The following COL24A1 variants were observed in gnomAD, a reference collection of about 807,000 sequenced individuals.
The protein encoded by COL24A1 is collagen type XXIV alpha 1 chain, also known as collagen alpha-1(XXIV) chain.
In COL24A1, 224 loss-of-function variants were observed where a neutral mutation model predicts 253.9. The ratio of observed to expected loss-of-function variants is 0.88; its 90% CI spans 0.79 to 0.99. COL24A1 has a LOEUF of 0.99. Ranked by LOEUF, COL24A1 falls within the 50% of genes least tolerant of loss-of-function variation. The probability of loss-of-function intolerance (pLI) is 0.00; values close to 1 mark genes in which losing one functional copy is unlikely to be tolerated. For missense variants in COL24A1, 2,131 were observed against 2,068.5 expected, an observed-to-expected ratio of 1.03 and a Z score of -0.59; for synonymous variants, 685 against 673.7, an observed-to-expected ratio of 1.02 and a Z score of -0.26.
chr1:85,831,114 C>T (rs1450709531), intron 43 of COL24A1, among the ~76,000 whole-genome samples: 2 of 152,000 alleles, frequency 1.3e-5, no homozygotes, highest in South Asian at 4.1e-4. Context: ...TTCTATATAG[C>T]CCATGACCAC....
At chr1:86,059,093 G>C in intron 9 of COL24A1, 28 bp downstream of exon 9, 1 of 1,536,148 alleles carries the variant, frequency 6.5e-7, no homozygotes, top group Non-Finnish European at 8.9e-7. Flanking sequence ...GGAACACAAA[G>C]AGAAAAGTCT....
At chr1:86,132,534 A>G (rs896406434) in intron 2 of COL24A1, among the ~76,000 whole-genome samples, 10 of 152,224 alleles carry the variant, frequency 6.6e-5, no homozygotes, top group Admixed American at 5.2e-4. Flanking sequence ...TCTTGAATTA[A>G]TTTTTGTATA....
intron 37 of COL24A1, among the ~76,000 whole-genome samples, chr1:85,863,827 G>A (rs1371904732): frequency 6.6e-6 from 1 of 152,160 alleles, no homozygotes; most frequent in African/African-American, 2.4e-5. Context: ...TCAGAGAAAT[G>A]CAAATCAAAA....
At chr1:86,113,518 C>A (rs1309533496) in intron 4 of COL24A1, among the ~76,000 whole-genome samples, 1 of 152,022 alleles carries the variant, frequency 6.6e-6, no homozygotes, top group Non-Finnish European at 1.5e-5. Flanking sequence ...ATGCATCTAG[C>A]AAGATGAAAA....
intron 2 of COL24A1, among the ~76,000 whole-genome samples, chr1:86,133,532 C>G (rs1649666583): frequency 6.6e-6 from 1 of 152,142 alleles, no homozygotes; most frequent in Admixed American, 6.6e-5. Context: ...CCATCAATAC[C>G]TAATTTATTG....
At chr1:86,129,969 C>G (rs1648911233) in intron 2 of COL24A1, among the ~76,000 whole-genome samples, 1 of 151,830 alleles carries the variant, frequency 6.6e-6, no homozygotes, top group Non-Finnish European at 1.5e-5. Context: ...GATAAAGTAT[C>G]TTACCAGTAG....
At chr1:86,073,445 C>T (rs1702012300) in intron 7 of COL24A1, among the ~76,000 whole-genome samples, 2 of 152,166 alleles carry the variant, frequency 1.3e-5, no homozygotes, top group African/African-American at 4.8e-5. Context: ...AAGGAATGAA[C>T]AAAGCCTCCA....
intron 52 of COL24A1, among the ~76,000 whole-genome samples, chr1:85,779,695 T>C (rs1462460377): frequency 6.6e-6 from 1 of 152,184 alleles, no homozygotes; most frequent in Non-Finnish European, 1.5e-5. Flanking sequence ...TTCCTATATA[T>C]ACTTAAGATC....
chr1:86,135,482 A>G (rs1256716397), intron 2 of COL24A1, among the ~76,000 whole-genome samples: 2 of 152,032 alleles, frequency 1.3e-5, no homozygotes, highest in Admixed American at 1.3e-4. Context: ...GTTGTCTTCT[A>G]TATGTCTCAT....
intron 7 of COL24A1, among the ~76,000 whole-genome samples, chr1:86,085,496 T>C (rs1382467283): frequency 6.6e-6 from 1 of 152,212 alleles, no homozygotes; most frequent in African/African-American, 2.4e-5. Flanking sequence ...ATATGGCTTA[T>C]CTTCTTGAAC....
chr1:85,907,250 A>T lies in COL24A1; in HGVS notation c.2725-3T>A. The T allele has an allele frequency of 2.5e-6, 4 of 1,609,576 alleles. No homozygotes were observed. The highest frequency in any genetic ancestry group is 3.4e-6 in the Non-Finnish European group (4 of 1,176,714). On this transcript the variant is annotated splice_region_variant and splice_polypyrimidine_tract_variant and intron_variant, in intron 27 of 59. Transcript: ENST00000370571. Reference sequence around the variant, plus strand: ...GGTCCTCTTGCCCCCACATGACCCTATATGTTGTAAATTTAAAGTCAGTTG... The same window carrying T: ...GGTCCTCTTGCCCCCACATGACCCTTTATGTTGTAAATTTAAAGTCAGTTG...
At chr1:85,887,467 T>A (rs959344657) in intron 32 of COL24A1, among the ~76,000 whole-genome samples, 26 of 152,020 alleles carry the variant, frequency 1.7e-4, no homozygotes, top group African/African-American at 6.0e-4. Flanking sequence ...ACATCAGGGG[T>A]CAGCAAACTT....
At chr1:86,051,638 T>C (rs1443174094) in intron 10 of COL24A1, among the ~76,000 whole-genome samples, 1 of 152,026 alleles carries the variant, frequency 6.6e-6, no homozygotes, top group Non-Finnish European at 1.5e-5. Context: ...AAGTCTGCAA[T>C]TTACACTGTG....
At chr1:85,756,284 T>C (rs2101048109) in intron 55 of COL24A1, among the ~76,000 whole-genome samples, 1 of 151,924 alleles carries the variant, frequency 6.6e-6, no homozygotes, top group Non-Finnish European at 1.5e-5. Flanking sequence ...CCAGGCGTGG[T>C]GGAGGGCACC....
intron 19 of COL24A1, among the ~76,000 whole-genome samples, chr1:85,998,684 G>A (rs1695103383): frequency 6.6e-6 from 1 of 152,114 alleles, no homozygotes; most frequent in African/African-American, 2.4e-5. Context: ...GAAGCAAAGG[G>A]CAGGAAGGAA....
At chr1:85,745,410 G>T in intron 56 of COL24A1, 31 bp downstream of exon 56, 1 of 1,527,682 alleles carries the variant, frequency 6.5e-7, no homozygotes, top group Non-Finnish European at 9.0e-7. Flanking sequence ...TTGAGAGACA[G>T]TGCCAATATA....
intron 19 of COL24A1, among the ~76,000 whole-genome samples, chr1:85,989,733 A>T (rs74097638): frequency 6.6e-6 from 1 of 152,088 alleles, no homozygotes; most frequent in Non-Finnish European, 1.5e-5. Flanking sequence ...TCATACTCTG[A>T]TAATATATAC....
chr1:86,129,185 T>G (rs1048791453), intron 2 of COL24A1, among the ~76,000 whole-genome samples: 2 of 151,930 alleles, frequency 1.3e-5, no homozygotes, highest in Non-Finnish European at 3.0e-5. Context: ...TATTTTTCTA[T>G]GAAATAATAA....
chr1:86,025,483 C>G (rs1380985779), intron 14 of COL24A1, among the ~76,000 whole-genome samples: 3 of 152,134 alleles, frequency 2.0e-5, no homozygotes, highest in Non-Finnish European at 4.4e-5. Context: ...TTAAATCACA[C>G]CCACCATACT....
Sources: allele counts gnomAD v4.1 joint callset (sites outside exome capture counted in the v4.1 genomes callset), GRCh38; gene constraint gnomAD v4.1.1; transcripts MANE v1.5; gene names NCBI Gene and HGNC (gene_info 2026-07-23, HGNC 2026-07-21).